PUDP: variants seen among roughly 807,000 people sequenced by gnomAD.
PUDP encodes pseudouridine-5'-phosphatase.
Under a neutral mutation model 9.4 loss-of-function variants are expected in PUDP, and 8 were observed. That is an observed-to-expected ratio of 0.85 (90% CI 0.50 to 1.53). The LOEUF (loss-of-function observed/expected upper bound fraction) is 1.53. PUDP is among the 40% of genes most tolerant of loss of function. PUDP has a pLI of 0.00. For missense variants in PUDP, 188 were observed against 189.7 expected, an observed-to-expected ratio of 0.99 and a Z score of 0.05; for synonymous variants, 99 against 80.7, an observed-to-expected ratio of 1.23 and a Z score of -1.22.
At chrX:6,754,429 T>C (rs1925145755) in intron 3 of PUDP, among the ~76,000 whole-genome samples, 2 of 110,791 alleles carry the variant, frequency 1.8e-5, no homozygotes, top group Admixed American at 9.7e-5. Flanking sequence ...GGTATGCCTT[T>C]ATTAGCAGCA....
At chrX:6,861,414 C>G (rs1254883761) in intron 3 of PUDP, among the ~76,000 whole-genome samples, 4 of 112,000 alleles carry the variant, frequency 3.6e-5, no homozygotes, top group African/African-American at 1.3e-4. Flanking sequence ...TTCTCCCCAT[C>G]ACCTTTCCCC....
chrX:6,944,829 C>G (rs1928442721), intron 3 of PUDP, among the ~76,000 whole-genome samples: 1 of 111,251 alleles, frequency 9.0e-6, no homozygotes, highest in African/African-American at 3.3e-5. Context: ...CCTGAGGGGC[C>G]TAGAGGAAGT....
At chrX:6,725,993 G>A (rs1924734285), upstream of PUDP, among the ~76,000 whole-genome samples, 1 of 111,571 alleles carries the variant, frequency 9.0e-6, no homozygotes, top group African/African-American at 3.3e-5. Flanking sequence ...ATCCTCCCTG[G>A]AGCTCGTGAA....
intron 3 of PUDP, among the ~76,000 whole-genome samples, chrX:6,836,872 G>A (rs975888201): frequency 2.7e-5 from 3 of 112,192 alleles, no homozygotes; most frequent in African/African-American, 9.7e-5. Flanking sequence ...ACTGTGATTG[G>A]TCTCTACTGG....
chrX:6,809,047 C>A (rs937027386), intron 3 of PUDP, among the ~76,000 whole-genome samples: 1 of 111,549 alleles, frequency 9.0e-6, no homozygotes, highest in Non-Finnish European at 1.9e-5. Flanking sequence ...GAATTGAAGG[C>A]ATCAGATTTG....
intron 1 of PUDP, among the ~76,000 whole-genome samples, chrX:7,137,706 T>C (rs1932764740): frequency 1.8e-5 from 2 of 112,592 alleles, no homozygotes; most frequent in African/African-American, 6.4e-5. Flanking sequence ...CTTTCTTTCC[T>C]GTATCCCACT....
chrX:7,117,145 GGCGTGT>G, intron 1 of PUDP: 1 of 1,034,832 alleles, frequency 9.7e-7, no homozygotes, highest in Admixed American at 3.0e-5. Context: ...TACCAGAAGT[GGCGTGT>G]TGCTACAAGG....
intron 3 of PUDP, among the ~76,000 whole-genome samples, chrX:6,750,977 A>G (rs1280686643): frequency 2.7e-5 from 3 of 110,300 alleles, no homozygotes; most frequent in South Asian, 4.0e-4. Flanking sequence ...GTCTCTAGCA[A>G]AAATACAAAA....
At chrX:6,947,001 GTTT>G (rs10574189) in intron 3 of PUDP, among the ~76,000 whole-genome samples, 1 of 29,428 alleles carries the variant, frequency 3.4e-5, no homozygotes, top group African/African-American at 7.1e-5. Flanking sequence ...CTGTTTGTTT[GTTT>G]TTTTTTTTTT....
At chrX:6,778,246 T>A (rs1263525641) in intron 3 of PUDP, among the ~76,000 whole-genome samples, 3 of 112,050 alleles carry the variant, frequency 2.7e-5, no homozygotes, top group African/African-American at 9.7e-5. Flanking sequence ...AGGTAGGACT[T>A]GCTAAGCGGG....
intron 3 of PUDP, among the ~76,000 whole-genome samples, chrX:6,850,882 T>C (rs919819349): frequency 8.9e-6 from 1 of 112,063 alleles, no homozygotes; most frequent in Admixed American, 9.5e-5. Flanking sequence ...ATGTACTATA[T>C]AGGAAAATAA....
rs887128240 is a variant in PUDP, at chrX:6,792,274, G to C, written c.*248-85808C>G. ...CAGAGGATCCCACTGAAGCTGAAAC[G>C]TATGTACCCCCTACCCAAGTTCCCA... On this transcript the variant is annotated intron_variant and NMD_transcript_variant, in intron 3 of 3. Coordinates refer to the PUDP transcript ENST00000655425. Among the ~76,000 whole-genome samples, 18 of 110,087 alleles carry C rather than the reference G, an allele frequency of 1.6e-4. 1 individual carries two copies. Among genetic ancestry groups the C allele is most frequent in the Non-Finnish European group, 3.0e-4 (16 of 52,766 alleles).
In PUDP at chrX:7,105,641, G is replaced by C; in HGVS notation, c.259C>G (p.Pro87Ala). 8.3e-7 allele frequency: 1 copy of C among 1,208,288 alleles called. No homozygotes were observed. Among genetic ancestry groups the C allele is most frequent in the East Asian group, 3.0e-5 (1 of 33,803 alleles). Reference protein sequence around the residue: ...ESQTKLKEVFPTAALMPGAEK... With the variant: ...ESQTKLKEVFATAALMPGAEK... ...GCACCTGGCATGAGCGCAGCCGTGG[G>C]GAACACTTCCTTTAACTTCGTTTGG... The change falls in exon 2 of 4, where the codon CCC (proline) becomes GCC (alanine). Residue 87 changes from proline (P) to alanine (A), a missense_variant. Physicochemically the swap from Pro to Ala is conservative, Grantham distance 27. Transcript: ENST00000381077.
chrX:7,055,418 A>AT lies in PUDP; in HGVS notation c.511-4947dup, dbSNP rs772638095. ...AGGCATGCACCACCACACTCGGCTAATTTTTTTTTGTATTTTTAATAGAGA... is the reference window on the plus strand; with the variant it reads ...AGGCATGCACCACCACACTCGGCTAATTTTTTTTTTGTATTTTTAATAGAGA... On this transcript the variant is annotated intron_variant, in intron 3 of 3. Coordinates refer to ENST00000381077, the MANE Select transcript of PUDP (RefSeq NM_012080.5). Among the ~76,000 whole-genome samples the AT allele has an allele frequency of 8.4e-4, 91 of 108,509 alleles. No homozygotes were observed. In the East Asian group the frequency reaches 0.021, roughly 25 times the overall value. The allele number at this position is 108,509 out of a possible 115,157, so 94.2% of individuals were successfully genotyped here. A position where few individuals can be genotyped will look rare whatever the true frequency, so the allele number is the denominator to read the frequency against.
At chrX:6,899,834 G>GA (rs1408981699) in intron 3 of PUDP, among the ~76,000 whole-genome samples, 1 of 111,112 alleles carries the variant, frequency 9.0e-6, no homozygotes, top group Admixed American at 9.6e-5. Context: ...CCTTCTGGAT[G>GA]AAAAATGTTT....
chrX:6,805,956 T>C (rs779605116), intron 3 of PUDP, among the ~76,000 whole-genome samples: 1 of 111,921 alleles, frequency 8.9e-6, no homozygotes, highest in African/African-American at 3.2e-5. Flanking sequence ...TCATTTGGAA[T>C]GCCAATTAAC....
upstream of PUDP, among the ~76,000 whole-genome samples, chrX:6,722,645 G>A (rs1256765082): frequency 9.0e-6 from 1 of 111,475 alleles, no homozygotes; most frequent in Non-Finnish European, 1.9e-5. Flanking sequence ...TACGCTAAAA[G>A]ATAAGCCATA....
intron 3 of PUDP, among the ~76,000 whole-genome samples, chrX:7,067,807 CAT>C (rs752033545): frequency 3.7e-4 from 41 of 111,250 alleles, no homozygotes; most frequent in African/African-American, 9.8e-4. Context: ...ACAATTCCCA[CAT>C]GTTATGGGAG....
At chrX:6,990,969 C>T (rs1049881915) in intron 1 of PUDP, among the ~76,000 whole-genome samples, 3 of 112,483 alleles carry the variant, frequency 2.7e-5, no homozygotes, top group Admixed American at 9.3e-5. Context: ...CCTCTCTGCA[C>T]GGGCACAAGA....
Sources: allele counts gnomAD v4.1 joint callset (sites outside exome capture counted in the v4.1 genomes callset), GRCh38; gene constraint gnomAD v4.1.1; transcripts MANE v1.5; gene names NCBI Gene and HGNC (gene_info 2026-07-23, HGNC 2026-07-21).